The following PELI2 variants were observed in gnomAD, a reference collection of about 807,000 sequenced individuals.
PELI2 encodes E3 ubiquitin-protein ligase pellino homolog 2.
PELI2 carries 23 observed loss-of-function variants against 42.3 expected under a neutral mutation model. The observed-to-expected ratio is 0.54, with a 90% CI of 0.39 to 0.77. The LOEUF is 0.77. Among genes scored for constraint, PELI2 ranks in the 30% least tolerant of loss-of-function variants. The probability of loss-of-function intolerance (pLI) is 0.00; values close to 1 mark genes in which losing one functional copy is unlikely to be tolerated. For missense variants in PELI2, 463 were observed against 553.2 expected (o/e 0.84, Z 1.64); for synonymous variants, 245 against 212.2 (o/e 1.15, Z -1.34).
At chr14:56,249,825 G>C (rs1312591657) in intron 2 of PELI2, among the ~76,000 whole-genome samples, 1 of 152,160 alleles carries the variant, frequency 6.6e-6, no homozygotes, top group Admixed American at 6.5e-5. Flanking sequence ...TGTGTGCCCT[G>C]ACTCAGTCAC....
At position 56,214,839 on chromosome 14, in the gene PELI2, C is replaced by T. The variant is rs112860068; in HGVS notation, c.207+36375C>T. Among the ~76,000 whole-genome samples the T allele has an allele frequency of 2.0e-3, 304 of 152,284 alleles. 1 individual carries two copies. Among genetic ancestry groups the T allele is most frequent in the Non-Finnish European group, 3.6e-3 (244 of 68,026 alleles). ...ATAGGCTAAGACAGCTCATAGCCTC[C>T]GGGATTCCACAGCCTCGGGAGAAAT... On this transcript the variant is annotated intron_variant, in intron 2 of 5. Transcript: ENST00000267460.
chr14:56,178,987 G>A (rs1375116518), intron 2 of PELI2, among the ~76,000 whole-genome samples: 3 of 152,098 alleles, frequency 2.0e-5, no homozygotes, highest in East Asian at 1.9e-4. Context: ...GCTCATAGAA[G>A]GATGAAAAGT....
chr14:56,133,090 C>G (rs572666794), intron 1 of PELI2, among the ~76,000 whole-genome samples: 4 of 151,986 alleles, frequency 2.6e-5, no homozygotes, highest in Non-Finnish European at 4.4e-5. Flanking sequence ...ATCCATGATG[C>G]TAATATTATT....
intron 2 of PELI2, among the ~76,000 whole-genome samples, chr14:56,255,715 C>T (rs1472025045): frequency 2.0e-5 from 3 of 152,090 alleles, no homozygotes; most frequent in Admixed American, 6.5e-5. Context: ...GTTTGATGTA[C>T]GTAGGGCCCA....
At chr14:56,251,709 C>T (rs867300543) in intron 2 of PELI2, among the ~76,000 whole-genome samples, 1 of 152,232 alleles carries the variant, frequency 6.6e-6, no homozygotes, top group South Asian at 2.1e-4. Flanking sequence ...GTTTTTGACA[C>T]GAACTACTCT....
In PELI2 at chr14:56,299,309, T is replaced by C. The variant is rs1376983002; in HGVS notation, c.*2143T>C. The C allele has an allele frequency of 6.6e-6, 1 of 152,240 alleles. No homozygotes were observed. The highest frequency in any genetic ancestry group is 1.9e-4 in the East Asian group (1 of 5,204). 9.4% of individuals were successfully genotyped at this position (152,240 alleles called of 1,614,324 possible). ...CTGCAACGTGACATATCCCCCAAAA[T>C]GAAGTTACCTTCCAAGTTGGACACG... is the stretch of plus-strand genomic sequence containing the variant. On this transcript the variant is annotated 3_prime_UTR_variant, in exon 6 of 6. Coordinates refer to ENST00000267460, the MANE Select transcript of PELI2 (RefSeq NM_021255.3).
At chr14:56,258,290 C>G (rs1230970059) in intron 2 of PELI2, among the ~76,000 whole-genome samples, 1 of 150,588 alleles carries the variant, frequency 6.6e-6, no homozygotes. Flanking sequence ...TCAAGAACCG[C>G]CCCCCCACCC....
chr14:56,192,383 A>G (rs1885978517), intron 2 of PELI2, among the ~76,000 whole-genome samples: 2 of 152,174 alleles, frequency 1.3e-5, no homozygotes. Context: ...AAAGGTTGAG[A>G]GTTTCTCAAC....
intron 2 of PELI2, among the ~76,000 whole-genome samples, chr14:56,185,254 T>TA (rs1885730333): frequency 6.6e-6 from 1 of 152,188 alleles, no homozygotes; most frequent in East Asian, 1.9e-4. Flanking sequence ...AAAATTTGAT[T>TA]AATCAATACT....
chr14:56,131,863 T>G (rs192391124), intron 1 of PELI2, among the ~76,000 whole-genome samples: 11 of 152,286 alleles, frequency 7.2e-5, no homozygotes, highest in African/African-American at 2.6e-4. Flanking sequence ...CACTCCAGCC[T>G]GGGCGACACA....
chr14:56,194,812 C>A (rs1886074392), intron 2 of PELI2, among the ~76,000 whole-genome samples: 1 of 152,134 alleles, frequency 6.6e-6, no homozygotes, highest in Non-Finnish European at 1.5e-5. Context: ...TCCTTTCCAC[C>A]AGTGCCCATT....
intron 2 of PELI2, among the ~76,000 whole-genome samples, chr14:56,202,540 G>C (rs1886367419): frequency 6.6e-6 from 1 of 152,126 alleles, no homozygotes; most frequent in African/African-American, 2.4e-5. Context: ...CCGGGGTCCT[G>C]CTGGCTCTGT....
In PELI2 at chr14:56,118,434, C is replaced by T. The variant is rs1490773702; in HGVS notation, c.-227C>T. Reference sequence around the variant, plus strand: ...GTCCCATTTGTTGCCGGCTCTGACTCGGGGCGGCCGCGGCGCGCGGAGCTC... The same window carrying T: ...GTCCCATTTGTTGCCGGCTCTGACTTGGGGCGGCCGCGGCGCGCGGAGCTC... On this transcript the variant is annotated 5_prime_UTR_variant, in exon 1 of 6. Transcript: ENST00000267460. 1 of 297,134 alleles carries T rather than the reference C, an allele frequency of 3.4e-6. No individual in the cohort carries two copies. The highest frequency in any genetic ancestry group is 5.2e-5 in the Admixed American group (1 of 19,284). The allele number at this position is 297,134 out of a possible 1,614,324, so 18.4% of individuals were successfully genotyped here.
chr14:56,123,290 A>G (rs1164564352), intron 1 of PELI2, among the ~76,000 whole-genome samples: 2 of 152,184 alleles, frequency 1.3e-5, no homozygotes, highest in African/African-American at 4.8e-5. Flanking sequence ...GAAACCTTCA[A>G]ATATACCCTA....
intron 2 of PELI2, among the ~76,000 whole-genome samples, chr14:56,270,595 C>A (rs374911296): frequency 6.6e-6 from 1 of 152,178 alleles, no homozygotes; most frequent in Non-Finnish European, 1.5e-5. Context: ...CTAGCATATA[C>A]TTAAAGCCAA....
chr14:56,292,921 A>T (rs1306506644), intron 5 of PELI2: 1 of 630,766 alleles, frequency 1.6e-6, no homozygotes, highest in Non-Finnish European at 2.0e-6. Context: ...ATTAAATTAT[A>T]TATGAAGTAT....
intron 1 of PELI2, among the ~76,000 whole-genome samples, chr14:56,155,810 C>G (rs1350795329): frequency 6.6e-6 from 1 of 152,080 alleles, no homozygotes; most frequent in Non-Finnish European, 1.5e-5. Context: ...GTCTTGATCT[C>G]TTGACCTCGT....
At chr14:56,267,670 C>G (rs1204249383) in intron 2 of PELI2, among the ~76,000 whole-genome samples, 2 of 151,958 alleles carry the variant, frequency 1.3e-5, no homozygotes, top group Non-Finnish European at 2.9e-5. Flanking sequence ...CCTTATTGAT[C>G]TGGTTTTATT....
chr14:56,205,205 C>T (rs79490773), intron 2 of PELI2, among the ~76,000 whole-genome samples: 18,017 of 151,960 alleles, frequency 0.12, 1,333 homozygotes, highest in Middle Eastern at 0.17. Context: ...GGAGAAGTTA[C>T]GGGTACATGC....
Sources: allele counts gnomAD v4.1 joint callset (sites outside exome capture counted in the v4.1 genomes callset), GRCh38; gene constraint gnomAD v4.1.1; transcripts MANE v1.5; gene names NCBI Gene and HGNC (gene_info 2026-07-23, HGNC 2026-07-21).